The following NRCAM variants were observed in gnomAD, a reference collection of about 807,000 sequenced individuals.
The protein encoded by NRCAM is neuronal cell adhesion molecule.
Under a neutral mutation model 156.5 loss-of-function variants are expected in NRCAM, and 83 were observed. The observed-to-expected ratio is 0.53, with a 90% confidence interval of 0.44 to 0.64. The LOEUF is 0.64. Among genes scored for constraint, NRCAM ranks in the 30% least tolerant of loss-of-function variants. NRCAM has a pLI of 0.00. For missense variants in NRCAM, 1,417 were observed against 1,597.3 expected, an observed-to-expected ratio of 0.89 and a Z score of 1.92; for synonymous variants, 538 against 563.9, an observed-to-expected ratio of 0.95 and a Z score of 0.65.
At chr7:108,184,383 T>A (rs375278913) in intron 21 of NRCAM, 34 bp downstream of exon 21, 2 of 1,613,792 alleles carry the variant, frequency 1.2e-6, no homozygotes, top group East Asian at 2.2e-5. Flanking sequence ...TTTATTATAT[T>A]TCGTACCCTA....
chr7:108,161,614 C>G (rs563436532), intron 30 of NRCAM, among the ~76,000 whole-genome samples: 1 of 152,224 alleles, frequency 6.6e-6, no homozygotes, highest in South Asian at 2.1e-4. Context: ...ATATATTTTA[C>G]ACAGTTGAGT....
chr7:108,379,382 A>T (rs1464153299), intron 2 of NRCAM, among the ~76,000 whole-genome samples: 1 of 152,198 alleles, frequency 6.6e-6, no homozygotes, highest in African/African-American at 2.4e-5. Flanking sequence ...AGCCACTCAC[A>T]AAAAGACAAA....
intron 2 of NRCAM, among the ~76,000 whole-genome samples, chr7:108,387,396 T>C (rs2080491): frequency 6.6e-6 from 1 of 152,092 alleles, no homozygotes. Flanking sequence ...TCAGAACTGG[T>C]GCACTATTTA....
At chr7:108,268,816 T>C (rs2097220304) in intron 3 of NRCAM, among the ~76,000 whole-genome samples, 1 of 152,236 alleles carries the variant, frequency 6.6e-6, no homozygotes, top group Non-Finnish European at 1.5e-5. Flanking sequence ...CCAGCTCCTA[T>C]GAATGGTTCA....
intron 32 of NRCAM, among the ~76,000 whole-genome samples, chr7:108,157,246 G>A (rs888527723): frequency 4.6e-5 from 7 of 152,062 alleles, no homozygotes; most frequent in African/African-American, 1.4e-4. Context: ...CACTCAATAA[G>A]CCCAAATGCA....
chr7:108,189,676 G>T lies in NRCAM; in HGVS notation c.2004C>A (p.Thr668=). 2 of 1,514,580 alleles carry T rather than the reference G, an allele frequency of 1.3e-6. No individual in the cohort carries two copies. The highest frequency in any genetic ancestry group is 1.1e-5 in the South Asian group (1 of 87,782). The allele number at this position is 1,514,580 out of a possible 1,614,324, so 93.8% of individuals were successfully genotyped here. A position where few individuals can be genotyped will look rare whatever the true frequency, so the allele number is the denominator to read the frequency against. ...TGGGGCTATTGTTGTCATCGCCTGGGGTCCATGACAGCTGAACACTTTTGT... is the reference window on the plus strand; with the variant it reads ...TGGGGCTATTGTTGTCATCGCCTGGTGTCCATGACAGCTGAACACTTTTGT... ...QLDKSVQLSW[T]PGDDNNSPIT... The change falls in exon 20 of 33, where the codon ACC becomes ACA. Residue 668 remains threonine, a synonymous_variant. Coordinates refer to ENST00000379028, the MANE Select transcript of NRCAM (RefSeq NM_001037132.4).
intron 3 of NRCAM, among the ~76,000 whole-genome samples, chr7:108,302,162 T>C (rs954966082): frequency 6.6e-5 from 10 of 152,190 alleles, no homozygotes; most frequent in Admixed American, 5.9e-4. Flanking sequence ...TTCCGTGTTA[T>C]TGCTTCAAAA....
At chr7:108,253,838 G>A (rs1431467454) in intron 3 of NRCAM, among the ~76,000 whole-genome samples, 1 of 152,140 alleles carries the variant, frequency 6.6e-6, no homozygotes, top group Non-Finnish European at 1.5e-5. Context: ...GTTTTTCTGA[G>A]TACTGTGCTC....
At chr7:108,237,842 C>G in intron 4 of NRCAM, 73 bp from the exon 5 acceptor site, 1 of 1,139,826 alleles carries the variant, frequency 8.8e-7, no homozygotes, top group Non-Finnish European at 1.2e-6. Flanking sequence ...ATAATAAGAA[C>G]GTTAGAACTC....
chr7:108,441,963 A>C (rs1018564933), intron 1 of NRCAM, among the ~76,000 whole-genome samples: 2 of 152,268 alleles, frequency 1.3e-5, no homozygotes, highest in Non-Finnish European at 2.9e-5. Flanking sequence ...ATCATTCATT[A>C]AAGTGTTCCA....
chr7:108,388,474 G>A (rs946411857), intron 2 of NRCAM, among the ~76,000 whole-genome samples: 9 of 151,922 alleles, frequency 5.9e-5, no homozygotes, highest in African/African-American at 1.7e-4. Context: ...TTGTCAGATG[G>A]GTAGATTGCA....
rs2099279327 is a variant in NRCAM at position 108,341,711 on chromosome 7, C to CAGT, written c.-173-28983_-173-28981dup. On this transcript the variant is annotated intron_variant, in intron 2 of 32. Coordinates refer to ENST00000379028, the MANE Select transcript of NRCAM (RefSeq NM_001037132.4). ...TTCTGTCCCCTTTCCCTACCAAAGG[C>CAGT]AGTACCCCCTTAGACCCGAGGCCCA... Among the ~76,000 whole-genome samples the CAGT allele has an allele frequency of 5.3e-5, 8 of 152,248 alleles. No homozygotes were observed. The South Asian group carries it at 1.7e-3, about 32-fold the overall frequency.
At chr7:108,186,656 A>G (rs2066975406) in intron 20 of NRCAM, among the ~76,000 whole-genome samples, 1 of 152,218 alleles carries the variant, frequency 6.6e-6, no homozygotes, top group African/African-American at 2.4e-5. Context: ...GGCCAAAAGA[A>G]TTACCTAATG....
At position 108,194,098 on chromosome 7, in the gene NRCAM, T is replaced by A; in HGVS notation, c.1704A>T (p.Lys568Asn). ...QRGSMVSFEC[K>N]VKHDHTLSLT... is the part of the protein sequence containing the mutation. ...GGGATAAGGTGTGATCATGTTTCAC[T>A]TTGCATTCAAAGGACACCATGCTCC... Residue 568 changes from lysine to asparagine, a missense_variant, in exon 17 of 33, where the codon AAA becomes AAT. Lys to Asn is a moderately conservative substitution (Grantham distance 94, BLOSUM62 0). Transcript: ENST00000379028. 2 of 1,614,174 alleles carry A rather than the reference T, an allele frequency of 1.2e-6. No homozygotes were observed. Among genetic ancestry groups the A allele is most frequent in the Non-Finnish European group, 1.7e-6 (2 of 1,179,992 alleles).
intron 32 of NRCAM, among the ~76,000 whole-genome samples, chr7:108,156,905 A>T (rs994283681): frequency 2.6e-5 from 4 of 152,172 alleles, no homozygotes. Flanking sequence ...CATTAATTAC[A>T]GCCTCTAAGA....
chr7:108,198,122 A>C lies in NRCAM; in HGVS notation c.1208-23T>G. 3 of 1,578,946 alleles carry C rather than the reference A, an allele frequency of 1.9e-6. No homozygotes were observed. The highest frequency in any genetic ancestry group is 8.6e-7 in the Non-Finnish European group (1 of 1,166,876). ...CAACTGTTTGGATGTAAAAATAGAA[A>C]GTATTTATTCCTATTTGCTTAAAAG... On this transcript the variant is annotated intron_variant, in intron 13 of 32. Transcript: ENST00000379028.
chr7:108,399,735 A>T (rs2099786531), intron 1 of NRCAM, 142 bp from the exon 2 acceptor site: 1 of 152,246 alleles, frequency 6.6e-6, no homozygotes, highest in African/African-American at 2.4e-5. Context: ...ATTTTAACCA[A>T]GCATTATTGT....
chr7:108,169,096 T>A (rs979607840), intron 28 of NRCAM, among the ~76,000 whole-genome samples: 11 of 152,178 alleles, frequency 7.2e-5, no homozygotes, highest in Non-Finnish European at 1.2e-4. Flanking sequence ...TCATGTAACA[T>A]TTCCTAGAGA....
chr7:108,433,704 C>G (rs1828586085), intron 1 of NRCAM, among the ~76,000 whole-genome samples: 1 of 152,250 alleles, frequency 6.6e-6, no homozygotes, highest in South Asian at 2.1e-4. Context: ...ATGGGAGCTC[C>G]CTGTTGCCTC....
Sources: gnomAD v4.1 joint callset for allele counts (sites outside exome capture counted in the v4.1 genomes callset) on GRCh38, gnomAD v4.1.1 for gene constraint, MANE v1.5 for transcripts, NCBI Gene and HGNC (gene_info 2026-07-23, HGNC 2026-07-21) for gene names.